Variants in LRBA observed in about 807,000 individuals in gnomAD.
The protein encoded by LRBA is LPS responsive beige-like anchor protein.
Under a neutral mutation model 330.0 loss-of-function variants are expected in LRBA, and 176 were observed. The ratio of observed to expected loss-of-function variants is 0.53; its 90% CI spans 0.47 to 0.60. The LOEUF (loss-of-function observed/expected upper bound fraction) is 0.60. LRBA is among the 20% of genes least tolerant of loss of function. LRBA has a pLI of 0.00. For missense variants in LRBA, 3,259 were observed against 3,444.8 expected (o/e 0.95, Z 1.35); for synonymous variants, 1,230 against 1,193.0 (o/e 1.03, Z -0.64).
chr4:150,951,528 G>T (rs1736834058), intron 2 of LRBA, among the ~76,000 whole-genome samples: 1 of 152,026 alleles, frequency 6.6e-6, no homozygotes, highest in African/African-American at 2.4e-5. Flanking sequence ...TTTTCCTAAT[G>T]CTGCATAAAA....
intron 26 of LRBA, among the ~76,000 whole-genome samples, chr4:150,847,745 T>C (rs1750039771): frequency 6.6e-6 from 1 of 152,188 alleles, no homozygotes; most frequent in Non-Finnish European, 1.5e-5. Flanking sequence ...TTTTGTTTTG[T>C]TTTTTGCTTC....
Position 150,286,017 on chromosome 4 carries a change from G to A in LRBA, c.8035C>T (p.Arg2679Trp), listed in dbSNP as rs762684397. Residue 2679 changes from arginine to tryptophan, a missense_variant, in exon 54 of 57, where the codon CGG (arginine) becomes TGG (tryptophan). Coordinates refer to ENST00000651943, the MANE Select transcript of LRBA (RefSeq NM_001364905.1). ...TAGTCATGGCCGGTCAAAATGGCCC[G>A]AGGAGCAGCAGTCTCACCTTTAGGA... is the stretch of plus-strand genomic sequence containing the variant. ...DNPGSETAAPRAILTGHDYEV... is the reference protein window; with the variant it reads ...DNPGSETAAPWAILTGHDYEV... The A allele has an allele frequency of 2.7e-5, 42 of 1,580,056 alleles. No homozygotes were observed. The highest frequency in any genetic ancestry group is 1.7e-4 in the Middle Eastern group (1 of 6,044).
chr4:150,725,648 C>T (rs1729569711), intron 36 of LRBA, among the ~76,000 whole-genome samples: 1 of 152,104 alleles, frequency 6.6e-6, no homozygotes, highest in African/African-American at 2.4e-5. Context: ...TCTGAAGGTA[C>T]AAATCTCACT....
intron 2 of LRBA, among the ~76,000 whole-genome samples, chr4:151,008,943 C>T (rs1431538659): frequency 8.7e-6 from 1 of 114,686 alleles, no homozygotes; most frequent in Non-Finnish European, 1.6e-5. Flanking sequence ...GCACTCCAGC[C>T]TGGGTGGCAG....
chr4:150,997,742 C>G (rs959573640), intron 2 of LRBA, among the ~76,000 whole-genome samples: 2 of 151,640 alleles, frequency 1.3e-5, no homozygotes, highest in Non-Finnish European at 2.9e-5. Context: ...CTCTCTCTGT[C>G]GCCCAGGCTG....
At chr4:150,790,737 C>T (rs1739776956) in intron 34 of LRBA, among the ~76,000 whole-genome samples, 1 of 152,206 alleles carries the variant, frequency 6.6e-6, no homozygotes, top group Non-Finnish European at 1.5e-5. Context: ...CCTCACAAGT[C>T]TATACTTCCT....
chr4:150,512,546 A>T (rs1384149802), intron 40 of LRBA, among the ~76,000 whole-genome samples: 1 of 152,042 alleles, frequency 6.6e-6, no homozygotes, highest in Non-Finnish European at 1.5e-5. Context: ...CCAGGTAAGG[A>T]TAGAATCAGG....
At chr4:150,489,047 TTA>T (rs1395401917) in intron 41 of LRBA, among the ~76,000 whole-genome samples, 7 of 95,150 alleles carry the variant, frequency 7.4e-5, no homozygotes, top group Admixed American at 2.7e-4. Flanking sequence ...ATATAATATA[TTA>T]TATATAAGAA....
chr4:150,576,755 TA>T (rs1408442701), intron 40 of LRBA, among the ~76,000 whole-genome samples: 4 of 151,960 alleles, frequency 2.6e-5, no homozygotes, highest in Admixed American at 1.3e-4. Flanking sequence ...CAAACAAATT[TA>T]AAAGGCCCAC....
chr4:150,859,011 G>A (rs945031057), intron 22 of LRBA, among the ~76,000 whole-genome samples: 1 of 151,838 alleles, frequency 6.6e-6, no homozygotes, highest in East Asian at 1.9e-4. Context: ...AATCTAAATG[G>A]TAGTTTTTTC....
chr4:150,541,041 ATGT>A (rs1313282835), intron 40 of LRBA, among the ~76,000 whole-genome samples: 1 of 152,210 alleles, frequency 6.6e-6, no homozygotes, highest in Non-Finnish European at 1.5e-5. Context: ...TAACTAAAAA[ATGT>A]TGTAGGCAGC....
intron 18 of LRBA, among the ~76,000 whole-genome samples, 191 bp from the exon 19 acceptor site, chr4:150,871,644 T>C (rs950285322): frequency 1.3e-5 from 2 of 151,652 alleles, no homozygotes; most frequent in Admixed American, 6.6e-5. Context: ...ATGCTAACTA[T>C]ATAAGCATAG....
chr4:150,546,362 A>C (rs879589587), intron 40 of LRBA, among the ~76,000 whole-genome samples: 11 of 152,226 alleles, frequency 7.2e-5, no homozygotes, highest in Non-Finnish European at 1.2e-4. Context: ...TGTGTATAAA[A>C]ATAAAAGCAC....
In LRBA at chr4:150,395,551, T is replaced by G. The variant is rs184230249; in HGVS notation, c.7194+19887A>C. Among the ~76,000 whole-genome samples, 380 of 152,296 alleles carry G rather than the reference T, an allele frequency of 2.5e-3. 2 individuals carry two copies. The highest frequency in any genetic ancestry group is 8.6e-3 in the African/African-American group (356 of 41,570). On this transcript the variant is annotated intron_variant, in intron 47 of 56. Transcript: ENST00000651943. ...CCTAGCTTGAGTCCGATACTCACAC[T>G]GCCATCTTCCTAATGAATAAATTAA...
intron 2 of LRBA, among the ~76,000 whole-genome samples, chr4:151,002,196 C>CAAAAAAAAA (rs143587760): frequency 8.2e-5 from 2 of 24,386 alleles, no homozygotes; most frequent in African/African-American, 1.6e-4. Flanking sequence ...CATAAAACAG[C>CAAAAAAAAA]AAAAAAAAAA....
At chr4:150,919,754 TC>T (rs1733041938) in intron 5 of LRBA, among the ~76,000 whole-genome samples, 1 of 152,178 alleles carries the variant, frequency 6.6e-6, no homozygotes, top group South Asian at 2.1e-4. Flanking sequence ...TACTTTAAAT[TC>T]CCAGTAAAAG....
intron 53 of LRBA, among the ~76,000 whole-genome samples, chr4:150,292,723 T>C (rs142146526): frequency 1.3e-5 from 2 of 152,296 alleles, no homozygotes; most frequent in Non-Finnish European, 1.5e-5. Flanking sequence ...CAGCCTTTTA[T>C]TTAAAAATAA....
chr4:150,683,723 A>T lies in LRBA; in HGVS notation c.5755-6T>A, dbSNP rs760614212. The T allele has an allele frequency of 6.3e-7, 1 of 1,574,978 alleles. No homozygotes were observed. Among genetic ancestry groups the T allele is most frequent in the Non-Finnish European group, 8.6e-7 (1 of 1,156,530 alleles). Reference sequence around the variant, plus strand: ...GAATACTGGGCACACAGTGACTTGGAGAGAAAAAAAAATAATACTATAAAA... The same window carrying T: ...GAATACTGGGCACACAGTGACTTGGTGAGAAAAAAAAATAATACTATAAAA... On this transcript the variant is annotated splice_region_variant and splice_polypyrimidine_tract_variant and intron_variant, in intron 36 of 56. Coordinates refer to ENST00000651943, the MANE Select transcript of LRBA (RefSeq NM_001364905.1).
chr4:150,513,264 T>G (rs1762013135), intron 40 of LRBA, among the ~76,000 whole-genome samples: 1 of 152,228 alleles, frequency 6.6e-6, no homozygotes, highest in Admixed American at 6.5e-5. Flanking sequence ...CACACTGTTT[T>G]CAAGGATGTT....
Sources: allele counts gnomAD v4.1 joint callset (sites outside exome capture counted in the v4.1 genomes callset), GRCh38; gene constraint gnomAD v4.1.1; transcripts MANE v1.5; gene names NCBI Gene and HGNC (gene_info 2026-07-23, HGNC 2026-07-21).